The following BBX variants were observed in gnomAD, a reference collection of about 807,000 sequenced individuals.
BBX encodes the protein HMG box transcription factor BBX.
In BBX, 30 loss-of-function variants were observed where a neutral mutation model predicts 100.2. That is an observed-to-expected ratio of 0.30 (90% confidence interval 0.22 to 0.41). The LOEUF (loss-of-function observed/expected upper bound fraction) is 0.41. Among genes scored for constraint, BBX ranks in the 10% least tolerant of loss-of-function variants. The probability of loss-of-function intolerance (pLI) is 1.00; values close to 1 mark genes in which losing one functional copy is unlikely to be tolerated. For missense variants in BBX, 1,023 were observed against 1,129.8 expected (o/e 0.91, Z 1.35); for synonymous variants, 376 against 388.1 (o/e 0.97, Z 0.37).
At chr3:107,591,104 T>C (rs572009314) in intron 2 of BBX, among the ~76,000 whole-genome samples, 171 of 152,302 alleles carry the variant, frequency 1.1e-3, no homozygotes, top group African/African-American at 3.7e-3. Flanking sequence ...TAGATTTTTT[T>C]CCCCCCAGTC....
chr3:107,575,174 A>G (rs919125451), intron 2 of BBX, among the ~76,000 whole-genome samples: 27 of 152,184 alleles, frequency 1.8e-4, no homozygotes, highest in African/African-American at 5.5e-4. Context: ...TACTTTCTTT[A>G]CTTGTCTAGT....
intron 3 of BBX, among the ~76,000 whole-genome samples, chr3:107,685,482 A>G (rs1323943525): frequency 6.6e-6 from 1 of 152,250 alleles, no homozygotes; most frequent in Non-Finnish European, 1.5e-5. Flanking sequence ...GCTGAAAATT[A>G]CATGTAGAAG....
At position 107,773,009 on chromosome 3, in the gene BBX, T is replaced by G. The variant is rs1296491674; in HGVS notation, c.1288T>G (p.Cys430Gly). The change falls in exon 11 of 18, where the codon TGC becomes GGC. Residue 430 changes from cysteine to glycine, a missense_variant. Cys to Gly is a radical substitution (Grantham distance 159). Coordinates refer to ENST00000325805, the MANE Select transcript of BBX (RefSeq NM_001142568.3). This position sits in a 1 kb window ranked among gnomAD's most constrained non-coding sequence, Gnocchi z 4.1. ...SDVPSRKDHM[C>G]HPHGIMIIED... is the part of the protein sequence containing the mutation. ...TGTTCCCAGTAGAAAGGATCATATG[T>G]GCCATCCTCATGGAATTATGATCAT... 6.2e-7 allele frequency: 1 copy of G among 1,614,090 alleles called. No homozygotes were observed. Among genetic ancestry groups the G allele is most frequent in the South Asian group, 1.1e-5 (1 of 91,074 alleles).
At chr3:107,584,577 T>C (rs762441468) in intron 2 of BBX, among the ~76,000 whole-genome samples, 1 of 147,202 alleles carries the variant, frequency 6.8e-6, no homozygotes, top group Non-Finnish European at 1.5e-5. Context: ...CACAGAACAA[T>C]GGAATATCAA....
At chr3:107,525,010 G>T (rs1015457573) in intron 1 of BBX, among the ~76,000 whole-genome samples, 1 of 150,864 alleles carries the variant, frequency 6.6e-6, no homozygotes, top group African/African-American at 2.4e-5. Context: ...CCCCGCGCGG[G>T]GAGGGGCGTT....
intron 2 of BBX, among the ~76,000 whole-genome samples, chr3:107,536,765 G>A (rs1439830984): frequency 6.6e-6 from 1 of 152,094 alleles, no homozygotes; most frequent in South Asian, 2.1e-4. Context: ...GTTGGTGCTT[G>A]ACCTAGACTT....
chr3:107,649,131 C>T (rs971127739), intron 3 of BBX, among the ~76,000 whole-genome samples: 7 of 152,180 alleles, frequency 4.6e-5, no homozygotes, highest in Non-Finnish European at 7.4e-5. Flanking sequence ...TTTATAAAAC[C>T]ATCTGATCTC....
At chr3:107,617,082 G>C (rs1003288463) in intron 2 of BBX, among the ~76,000 whole-genome samples, 1 of 152,088 alleles carries the variant, frequency 6.6e-6, no homozygotes, top group African/African-American at 2.4e-5. Flanking sequence ...GTTGATCTCA[G>C]GTCAAAGTTC....
intron 13 of BBX, among the ~76,000 whole-genome samples, chr3:107,783,937 G>A (rs779322412): frequency 2.1e-4 from 32 of 152,132 alleles, no homozygotes; most frequent in Admixed American, 1.0e-3. Flanking sequence ...ATTGCTTAGT[G>A]TAGTCATCAA....
intron 2 of BBX, among the ~76,000 whole-genome samples, chr3:107,565,491 G>A (rs2050825545): frequency 2.6e-5 from 2 of 76,264 alleles, no homozygotes; most frequent in Admixed American, 2.5e-4. Context: ...GTATGTTTGA[G>A]ACGGAGTCTC....
At position 107,526,327 on chromosome 3, in the gene BBX, G is replaced by C. The variant is rs1394500428; in HGVS notation, c.-155G>C. On this transcript the variant is annotated splice_region_variant and 5_prime_UTR_variant, in exon 2 of 18. Coordinates refer to ENST00000325805, the MANE Select transcript of BBX (RefSeq NM_001142568.3). ...TGTACCTTTATTTGATACTTTATAGGTCACTATCATATGACAAAGGCTTTG... is the reference window on the plus strand; with the variant it reads ...TGTACCTTTATTTGATACTTTATAGCTCACTATCATATGACAAAGGCTTTG... 3 of 398,430 alleles carry C rather than the reference G, an allele frequency of 7.5e-6. No individual in the cohort carries two copies. Among genetic ancestry groups the C allele is most frequent in the African/African-American group, 6.2e-5 (3 of 48,572 alleles). 24.7% of individuals were successfully genotyped at this position (398,430 alleles called of 1,614,324 possible).
In BBX at chr3:107,806,907, G is replaced by A. The variant is rs1393117452; in HGVS notation, c.*1450G>A. ...TGGATTCCAGCAATAATTTTTAATG[G>A]TTTTCAAACTGGCGGAATTTTGACA... On this transcript the variant is annotated 3_prime_UTR_variant, in exon 18 of 18. Transcript: ENST00000325805. 1 of 152,160 alleles carries A rather than the reference G, an allele frequency of 6.6e-6. No individual in the cohort carries two copies. Among genetic ancestry groups the A allele is most frequent in the Non-Finnish European group, 1.5e-5 (1 of 68,026 alleles). 9.4% of individuals were successfully genotyped at this position (152,160 alleles called of 1,614,324 possible). A position where few individuals can be genotyped will look rare whatever the true frequency, so the allele number is the denominator to read the frequency against.
intron 2 of BBX, among the ~76,000 whole-genome samples, chr3:107,546,453 A>G (rs1464388016): frequency 2.0e-5 from 3 of 152,234 alleles, no homozygotes; most frequent in African/African-American, 4.8e-5. Context: ...CATGATACAC[A>G]GAACCATATG....
In BBX at chr3:107,716,981, A is replaced by G. The variant is rs1427831354; in HGVS notation, c.405+132A>G. ...ATCATAAATGAGATGTTAAGTAAAA[A>G]CATAACCGCTTTCTTTGTATGACTT... On this transcript the variant is annotated intron_variant, in intron 5 of 17. Transcript: ENST00000325805. The G allele has an allele frequency of 5.2e-6, 6 of 1,158,624 alleles. No homozygotes were observed. In the Admixed American group the frequency reaches 1.5e-4, roughly 28 times the overall value. 71.8% of individuals were successfully genotyped at this position (1,158,624 alleles called of 1,614,324 possible).
intron 10 of BBX, among the ~76,000 whole-genome samples, chr3:107,769,263 ATAG>A (rs2066697309): frequency 6.6e-6 from 1 of 152,052 alleles, no homozygotes; most frequent in Non-Finnish European, 1.5e-5. Context: ...AATCTGATAG[ATAG>A]AAAAAATTTT....
intron 7 of BBX, among the ~76,000 whole-genome samples, chr3:107,737,891 T>TTTTG (rs1560069756): frequency 7.6e-6 from 1 of 132,218 alleles, no homozygotes; most frequent in Non-Finnish European, 1.6e-5. Flanking sequence ...CCAGTTTTTT[T>TTTTG]TTTTTTTTTT....
At chr3:107,565,072 T>C (rs1052619565) in intron 2 of BBX, among the ~76,000 whole-genome samples, 1 of 152,236 alleles carries the variant, frequency 6.6e-6, no homozygotes, top group Admixed American at 6.5e-5. Context: ...TCAGATACTT[T>C]ATAGTTTTTG....
intron 8 of BBX, among the ~76,000 whole-genome samples, chr3:107,745,599 T>C (rs2107615723): frequency 6.6e-6 from 1 of 152,200 alleles, no homozygotes; most frequent in African/African-American, 2.4e-5. Context: ...TAGCTAGGAC[T>C]GCAGGCACAT....
intron 3 of BBX, among the ~76,000 whole-genome samples, chr3:107,668,559 G>A (rs2058863649): frequency 6.6e-6 from 1 of 152,130 alleles, no homozygotes; most frequent in Non-Finnish European, 1.5e-5. Context: ...GAACCACTCT[G>A]GACCTAAGAA....
Sources: gnomAD v4.1 joint callset for allele counts (sites outside exome capture counted in the v4.1 genomes callset) on GRCh38, gnomAD v4.1.1 for gene constraint, Gnocchi (gnomAD v3.1) non-coding constraint, MANE v1.5 for transcripts, NCBI Gene and HGNC (gene_info 2026-07-23, HGNC 2026-07-21) for gene names.